The following ADAMTS2 variants were observed in gnomAD, a reference collection of about 807,000 sequenced individuals.
The protein encoded by ADAMTS2 is A disintegrin and metalloproteinase with thrombospondin motifs 2.
A neutral mutation model predicts 123.0 loss-of-function variants in ADAMTS2; 50 were observed. The observed-to-expected ratio is 0.41, with a 90% confidence interval of 0.32 to 0.51. The LOEUF (loss-of-function observed/expected upper bound fraction) is 0.51, where lower values mean the gene tolerates loss of function less well. Among genes scored for constraint, ADAMTS2 ranks in the 20% least tolerant of loss-of-function variants. The pLI is 0.35. For missense variants in ADAMTS2, 1,494 were observed against 1,705.2 expected (o/e 0.88, Z 2.18); for synonymous variants, 678 against 695.4 (o/e 0.98, Z 0.39).
Position 179,272,914 on chromosome 5 carries a change from T to C in ADAMTS2, c.685A>G (p.Thr229Ala), listed in dbSNP as rs773428836. The change falls in exon 3 of 22, where the codon ACA becomes GCA. Residue 229 changes from threonine (T) to alanine (A), a missense_variant. Around this residue, in one of 6 missense-constraint regions of ADAMTS2, gnomAD observed 184 missense variants for 152.1 expected, o/e 1.21. Transcript: ENST00000251582. The surrounding 1 kb of genome is among the most constrained non-coding windows in gnomAD (Gnocchi z 5.8). ...PPLGGPQALD[T>A]GASLDSLDSL... ...TGCCCACCTGCAGTAGCCTCACCTG[T>C]GTCCAGGGCCTGTGGCCCCCCGAGA... 8 of 1,609,116 alleles carry C rather than the reference T, an allele frequency of 5.0e-6. No individual in the cohort carries two copies. The highest frequency in any genetic ancestry group is 1.7e-5 in the Admixed American group (1 of 59,984).
At position 179,272,296 on chromosome 5, in the gene ADAMTS2, T is replaced by C. The variant is rs1464926961; in HGVS notation, c.688+615A>G. Among the ~76,000 whole-genome samples the C allele has an allele frequency of 6.6e-6, 1 of 152,000 alleles. No homozygotes were observed. Among genetic ancestry groups the C allele is most frequent in the East Asian group, 1.9e-4 (1 of 5,166 alleles). On this transcript the variant is annotated intron_variant, in intron 3 of 21. Coordinates refer to ENST00000251582, the MANE Select transcript of ADAMTS2 (RefSeq NM_014244.5). The surrounding 1 kb of genome is among the most constrained non-coding windows in gnomAD (Gnocchi z 5.8). ...GCCCAGGGCACACGTGGGTTCTGAG[T>C]TGAAAAAGACAGACGCCCATGAGTC...
intron 3 of ADAMTS2, among the ~76,000 whole-genome samples, chr5:179,215,241 G>A (rs1764952607): frequency 6.6e-6 from 1 of 152,222 alleles, no homozygotes; most frequent in African/African-American, 2.4e-5. Context: ...CTGAGGTTGG[G>A]AGTTTGAGAC....
chr5:179,321,520 C>T (rs192669662), intron 2 of ADAMTS2, among the ~76,000 whole-genome samples: 225 of 152,292 alleles, frequency 1.5e-3, no homozygotes, highest in African/African-American at 5.1e-3. Flanking sequence ...CATCCTTTAG[C>T]AGGTGGGCAG....
chr5:179,340,299 A>G (rs1757736686), intron 2 of ADAMTS2, among the ~76,000 whole-genome samples: 1 of 152,158 alleles, frequency 6.6e-6, no homozygotes, highest in Non-Finnish European at 1.5e-5. Flanking sequence ...AGAGGCGGGC[A>G]GGGTTGCTTC....
rs1409863705 is a variant in ADAMTS2, at chr5:179,180,570, C to G, written c.975+502G>C. Among the ~76,000 whole-genome samples, 1 of 152,132 alleles carries G rather than the reference C, an allele frequency of 6.6e-6. No homozygotes were observed. The highest frequency in any genetic ancestry group is 1.9e-4 in the East Asian group (1 of 5,196). On this transcript the variant is annotated intron_variant, in intron 5 of 21. Transcript: ENST00000251582. The surrounding 1 kb of genome is among the most constrained non-coding windows in gnomAD (Gnocchi z 4.6). ...AACCAACCAATCCAGCGCCCATGTC[C>G]CCAGCCACCTCCTTTATCAGACTTC...
chr5:179,253,865 C>CA (rs982286800), intron 3 of ADAMTS2, among the ~76,000 whole-genome samples: 8 of 152,216 alleles, frequency 5.3e-5, no homozygotes, highest in African/African-American at 1.9e-4. Flanking sequence ...GGCTCCAGTC[C>CA]AGTCCCTGCA....
chr5:179,201,190 G>C (rs1293170403), intron 4 of ADAMTS2, among the ~76,000 whole-genome samples: 2 of 152,148 alleles, frequency 1.3e-5, no homozygotes, highest in East Asian at 1.9e-4. Flanking sequence ...AGTGTAGAAA[G>C]CTTAAAAAAT....
chr5:179,195,307 C>T (rs180911455), intron 4 of ADAMTS2, among the ~76,000 whole-genome samples: 7 of 152,188 alleles, frequency 4.6e-5, no homozygotes, highest in East Asian at 3.9e-4. Flanking sequence ...CCAACAGCCC[C>T]GGGAGTTGGC....
intron 2 of ADAMTS2, among the ~76,000 whole-genome samples, chr5:179,326,656 G>A (rs2113602511): frequency 6.6e-6 from 1 of 152,260 alleles, no homozygotes; most frequent in Admixed American, 6.5e-5. Flanking sequence ...GCTCAGTGCT[G>A]GCCCTCGCTT....
At chr5:179,131,746 C>G (rs1010942113) in intron 15 of ADAMTS2, among the ~76,000 whole-genome samples, 1 of 152,090 alleles carries the variant, frequency 6.6e-6, no homozygotes, top group Non-Finnish European at 1.5e-5. Flanking sequence ...CAGGAGATAC[C>G]AGGATCCCTA....
chr5:179,207,696 CAGGCTGTCCAGGG>C lies in ADAMTS2; in HGVS notation c.695_707del (p.Ser232TrpfsTer11). 1 of 1,611,576 alleles carries C rather than the reference CAGGCTGTCCAGGG, an allele frequency of 6.2e-7. No homozygotes were observed. Among genetic ancestry groups the C allele is most frequent in the Non-Finnish European group, 8.5e-7 (1 of 1,179,662 alleles). On this transcript the variant is annotated frameshift_variant, in exon 4 of 22. Coordinates refer to ENST00000251582, the MANE Select transcript of ADAMTS2 (RefSeq NM_014244.5). LOFTEE classifies it high-confidence loss of function. ...CGCCCAGGGCGCGGCTGAGGCTGTC[CAGGCTGTCCAGGG>C]AGGCCCCTGCAAGGAGAGGACACCG...
chr5:179,195,037 C>T (rs1298845009), intron 4 of ADAMTS2, among the ~76,000 whole-genome samples: 1 of 152,188 alleles, frequency 6.6e-6, no homozygotes, highest in Non-Finnish European at 1.5e-5. Flanking sequence ...TCATTAGAGG[C>T]AACTGCGGTG....
At chr5:179,334,621 G>A (rs1049929530) in intron 2 of ADAMTS2, among the ~76,000 whole-genome samples, 1 of 152,194 alleles carries the variant, frequency 6.6e-6, no homozygotes, top group Non-Finnish European at 1.5e-5. Flanking sequence ...CGCTCTGAAG[G>A]TTCCAGACGG....
intron 2 of ADAMTS2, among the ~76,000 whole-genome samples, chr5:179,294,014 A>G (rs1017735497): frequency 2.0e-4 from 30 of 152,250 alleles, no homozygotes; most frequent in African/African-American, 7.2e-4. Flanking sequence ...CTGCAATCCC[A>G]GCACTTTTGG....
intron 5 of ADAMTS2, among the ~76,000 whole-genome samples, chr5:179,160,527 G>C (rs1333596870): frequency 6.6e-6 from 1 of 152,230 alleles, no homozygotes; most frequent in Non-Finnish European, 1.5e-5. Flanking sequence ...ACAATTCAAG[G>C]CTAGGTAAGA....
intron 10 of ADAMTS2, 41 bp from the exon 11 acceptor site, chr5:179,140,076 CG>C (rs777013759): frequency 1.9e-6 from 3 of 1,612,996 alleles, no homozygotes; most frequent in Non-Finnish European, 2.5e-6. Context: ...ACCCTCACAC[CG>C]GGCCGTGGGG....
At chr5:179,270,511 C>T (rs1766500349) in intron 3 of ADAMTS2, among the ~76,000 whole-genome samples, 1 of 138,886 alleles carries the variant, frequency 7.2e-6, no homozygotes. Flanking sequence ...AGAAAGGGTC[C>T]CCTATACACA....
intron 3 of ADAMTS2, among the ~76,000 whole-genome samples, chr5:179,249,919 A>AAT (rs1343660374): frequency 6.6e-6 from 1 of 152,230 alleles, no homozygotes; most frequent in East Asian, 1.9e-4. Context: ...GTCTCTTATA[A>AAT]ATATAGGTGC....
rs3797603 is a variant in ADAMTS2 at position 179,182,490 on chromosome 5, C to T, written c.892-1335G>A. Among the ~76,000 whole-genome samples the T allele has an allele frequency of 1.3e-4, 20 of 152,174 alleles. 1 individual carries two copies. The East Asian group carries it at 3.7e-3, about 28-fold the overall frequency. On this transcript the variant is annotated intron_variant, in intron 4 of 21. Coordinates refer to ENST00000251582, the MANE Select transcript of ADAMTS2 (RefSeq NM_014244.5). The stretch of plus-strand genomic sequence containing the variant: ...CAGTGGGAAGGCACCTCAGGAAACC[C>T]GAGGGTTCACAAGGAGAATGACATC...
Sources: gnomAD v4.1 joint callset for allele counts (sites outside exome capture counted in the v4.1 genomes callset) on GRCh38, gnomAD v4.1.1 for gene constraint, gnomAD v4.1.1 regional missense constraint, Gnocchi (gnomAD v3.1) non-coding constraint, MANE v1.5 for transcripts, NCBI Gene and HGNC (gene_info 2026-07-23, HGNC 2026-07-21) for gene names.